The following SYK variants were observed in gnomAD, a reference collection of about 807,000 sequenced individuals.
SYK encodes spleen associated tyrosine kinase, also known as tyrosine-protein kinase SYK.
Under a neutral mutation model 77.8 loss-of-function variants are expected in SYK, and 16 were observed. The observed-to-expected ratio is 0.21, with a 90% confidence interval of 0.14 to 0.31. The LOEUF (loss-of-function observed/expected upper bound fraction) is 0.31. Ranked by LOEUF, SYK falls within the 10% of genes least tolerant of loss-of-function variation. The pLI is 1.00. For missense variants in SYK, 529 were observed against 814.4 expected (o/e 0.65, Z 4.26); for synonymous variants, 312 against 308.7 (o/e 1.01, Z -0.11).
At chr9:90,846,426 CTT>C (rs1382711422) in intron 3 of SYK, among the ~76,000 whole-genome samples, 1 of 152,176 alleles carries the variant, frequency 6.6e-6, no homozygotes, top group Non-Finnish European at 1.5e-5. Context: ...ACTTCGTAAA[CTT>C]TTCCTAGATT....
In SYK at chr9:90,898,031, C is replaced by G. The variant is rs1191233670; in HGVS notation, c.*2431C>G. 8.8e-6 allele frequency: 2 copies of G among 228,284 alleles called. No homozygotes were observed. The highest frequency in any genetic ancestry group is 4.4e-5 in the African/African-American group (2 of 45,080). 14.1% of individuals were successfully genotyped at this position (228,284 alleles called of 1,614,324 possible). On this transcript the variant is annotated 3_prime_UTR_variant, in exon 14 of 14. Transcript: ENST00000375754. ...CTAGCTTGGGCTGGATTCTCATACCCAGGCTGCCCCTTGGATTGTTCTACC... is the reference window on the plus strand; with the variant it reads ...CTAGCTTGGGCTGGATTCTCATACCGAGGCTGCCCCTTGGATTGTTCTACC...
chr9:90,849,874 C>G (rs1826748393), intron 3 of SYK, among the ~76,000 whole-genome samples: 1 of 152,264 alleles, frequency 6.6e-6, no homozygotes, highest in African/African-American at 2.4e-5. Context: ...GTATCATAAA[C>G]CGAAGGCCTG....
intron 1 of SYK, among the ~76,000 whole-genome samples, chr9:90,813,370 T>C (rs1441641559): frequency 2.0e-5 from 3 of 152,150 alleles, no homozygotes; most frequent in Non-Finnish European, 4.4e-5. Flanking sequence ...CCTGGACTCA[T>C]CGCCTGCCCC....
intron 11 of SYK, among the ~76,000 whole-genome samples, chr9:90,883,656 T>C (rs1340571500): frequency 6.6e-6 from 1 of 152,068 alleles, no homozygotes; most frequent in African/African-American, 2.4e-5. Context: ...CACAAGTCCA[T>C]TGGCCTAGTC....
chr9:90,808,355 A>T (rs1301144352), intron 1 of SYK, among the ~76,000 whole-genome samples: 1 of 150,862 alleles, frequency 6.6e-6, no homozygotes, highest in Non-Finnish European at 1.5e-5. Context: ...TGAGTGCACC[A>T]TTACCCCCGT....
intron 11 of SYK, among the ~76,000 whole-genome samples, chr9:90,882,966 A>T (rs546207578): frequency 6.6e-6 from 1 of 152,192 alleles, no homozygotes; most frequent in African/African-American, 2.4e-5. Flanking sequence ...GGGCCTTAAG[A>T]CTAACATAGG....
chr9:90,895,572 G>A lies in SYK; in HGVS notation c.1880G>A (p.Arg627His), dbSNP rs1828952242. 3.1e-6 allele frequency: 5 copies of A among 1,614,022 alleles called. No homozygotes were observed. Among genetic ancestry groups the A allele is most frequent in the Non-Finnish European group, 2.5e-6 (3 of 1,180,030 alleles). Residue 627 changes from arginine to histidine, a missense_variant, in exon 14 of 14, where the codon CGC becomes CAC. By Grantham distance (29) the Arg-to-His change is conservative. Transcript: ENST00000375754. This position sits in a 1 kb window ranked among gnomAD's most constrained non-coding sequence, Gnocchi z 4.4. Reference protein sequence around the residue: ...PGFAAVELRLRNYYYDVVN With the variant: ...PGFAAVELRLHNYYYDVVN The stretch of plus-strand genomic sequence containing the variant: ...TTCGCAGCAGTGGAACTGCGGCTGC[G>A]CAATTACTACTATGACGTGGTGAAC...
At chr9:90,823,613 A>C (rs1476802024) in intron 1 of SYK, among the ~76,000 whole-genome samples, 1 of 152,216 alleles carries the variant, frequency 6.6e-6, no homozygotes, top group Non-Finnish European at 1.5e-5. Flanking sequence ...AATTTCCCAA[A>C]TATCTGGAAA....
At chr9:90,891,328 T>C (rs1333351675) in intron 13 of SYK, among the ~76,000 whole-genome samples, 1 of 151,932 alleles carries the variant, frequency 6.6e-6, no homozygotes, top group Non-Finnish European at 1.5e-5. Context: ...TTGTATTTTT[T>C]AGTGGAGACG....
In SYK at chr9:90,884,384, T is replaced by TATATGCATACATACACACATACGTGTAC. The variant is rs1828341848; in HGVS notation, c.1582-3348_1582-3347insCATACGTGTACATATGCATACATACACA. On this transcript the variant is annotated intron_variant, in intron 11 of 13. Transcript: ENST00000375754. ...ATACATACATACACACATACGTGTA[T>TATATGCATACATACACACATACGTGTAC]ATATGCATACATACACATATGTGTA... 3.2e-5 allele frequency among the ~76,000 whole-genome samples: 4 copies of TATATGCATACATACACACATACGTGTAC among 124,830 alleles called. 2 individuals carry two copies. Among genetic ancestry groups the TATATGCATACATACACACATACGTGTAC allele is most frequent in the African/African-American group, 6.3e-5 (2 of 31,970 alleles). The allele number at this position is 124,830 out of a possible 152,430, so 81.9% of individuals were successfully genotyped here. A position where few individuals can be genotyped will look rare whatever the true frequency, so the allele number is the denominator to read the frequency against.
At chr9:90,833,951 A>T (rs1825981685) in intron 1 of SYK, among the ~76,000 whole-genome samples, 1 of 152,194 alleles carries the variant, frequency 6.6e-6, no homozygotes, top group South Asian at 2.1e-4. Flanking sequence ...AGGCTCCAGG[A>T]GGGTGGCTGG....
At chr9:90,893,340 TG>T (rs1828868094) in intron 13 of SYK, among the ~76,000 whole-genome samples, 1 of 152,174 alleles carries the variant, frequency 6.6e-6, no homozygotes, top group South Asian at 2.1e-4. Context: ...TAGAATGTGG[TG>T]GATTCAATGA....
chr9:90,835,378 G>T (rs1161556135), intron 1 of SYK, among the ~76,000 whole-genome samples: 1 of 152,212 alleles, frequency 6.6e-6, no homozygotes, highest in Non-Finnish European at 1.5e-5. Flanking sequence ...GGAAATCTTG[G>T]CAGCGTCACT....
At chr9:90,819,214 C>T (rs1825415839) in intron 1 of SYK, among the ~76,000 whole-genome samples, 1 of 152,170 alleles carries the variant, frequency 6.6e-6, no homozygotes, top group Non-Finnish European at 1.5e-5. Context: ...ATGTGAGTCA[C>T]CCATAGCAGT....
At chr9:90,802,289 T>C (rs1415629224) in intron 1 of SYK, among the ~76,000 whole-genome samples, 1 of 152,212 alleles carries the variant, frequency 6.6e-6, no homozygotes, top group East Asian at 1.9e-4. Context: ...ACATTTTCCT[T>C]TGGCCATTTA....
At chr9:90,838,745 A>C (rs1360925975) in intron 1 of SYK, among the ~76,000 whole-genome samples, 2 of 152,220 alleles carry the variant, frequency 1.3e-5, no homozygotes, top group African/African-American at 4.8e-5. Flanking sequence ...ATTAAGAAAA[A>C]ATAGGGAGCA....
At chr9:90,839,120 G>A (rs1826195915) in intron 1 of SYK, among the ~76,000 whole-genome samples, 1 of 152,240 alleles carries the variant, frequency 6.6e-6, no homozygotes, top group Non-Finnish European at 1.5e-5. Context: ...TGCCAAGGTG[G>A]CCTGAGAAAG....
At position 90,897,746 on chromosome 9, in the gene SYK, C is replaced by T. The variant is rs200430210; in HGVS notation, c.*2146C>T. On this transcript the variant is annotated 3_prime_UTR_variant, in exon 14 of 14. Transcript: ENST00000375754. ...GGGGCCTCACCTCCCTGCAGAGGTCCGGCCAGGTCTCCTTGTCCCTGGACA... is the reference window on the plus strand; with the variant it reads ...GGGGCCTCACCTCCCTGCAGAGGTCTGGCCAGGTCTCCTTGTCCCTGGACA... 4 of 223,534 alleles carry T rather than the reference C, an allele frequency of 1.8e-5. No homozygotes were observed. Among genetic ancestry groups the T allele is most frequent in the Non-Finnish European group, 2.7e-5 (3 of 111,940 alleles). 13.8% of individuals were successfully genotyped at this position (223,534 alleles called of 1,614,324 possible). A position where few individuals can be genotyped will look rare whatever the true frequency, so the allele number is the denominator to read the frequency against.
At position 90,896,462 on chromosome 9, in the gene SYK, G is replaced by T; in HGVS notation, c.*862G>T. The T allele has an allele frequency of 4.3e-6, 1 of 233,278 alleles. No individual in the cohort carries two copies. The highest frequency in any genetic ancestry group is 8.5e-6 in the Non-Finnish European group (1 of 118,074). The allele number at this position is 233,278 out of a possible 1,614,324, so 14.5% of individuals were successfully genotyped here. ...TTCAGGCTGCCTTCCTCTGAACGTGGTCCACACCTTCCTCTCCTCCACAGA... is the reference window on the plus strand; with the variant it reads ...TTCAGGCTGCCTTCCTCTGAACGTGTTCCACACCTTCCTCTCCTCCACAGA... On this transcript the variant is annotated 3_prime_UTR_variant, in exon 14 of 14. Transcript: ENST00000375754.
Sources: gnomAD v4.1 joint callset for allele counts (sites outside exome capture counted in the v4.1 genomes callset) on GRCh38, gnomAD v4.1.1 for gene constraint, Gnocchi (gnomAD v3.1) non-coding constraint, MANE v1.5 for transcripts, NCBI Gene and HGNC (gene_info 2026-07-23, HGNC 2026-07-21) for gene names.